INF2: variants seen among roughly 807,000 people sequenced by gnomAD.
INF2 encodes the protein inverted formin 2, also known as inverted formin-2.
In INF2, 43 loss-of-function variants were observed where a neutral mutation model predicts 123.5. The observed-to-expected ratio is 0.35, with a 90% CI of 0.27 to 0.45. The LOEUF (loss-of-function observed/expected upper bound fraction) is 0.45, where lower values mean the gene tolerates loss of function less well. INF2 is among the 20% of genes least tolerant of loss of function. The pLI is 1.00. For synonymous variants in INF2, 851 were observed against 745.0 expected (o/e 1.14, Z -2.32); for missense variants, 1,453 against 1,682.7 (o/e 0.86, Z 2.39).
At position 104,689,735 on chromosome 14, in the gene INF2, A is replaced by G; in HGVS notation, c.-14A>G. The G allele has an allele frequency of 1.2e-5, 12 of 984,858 alleles. No individual in the cohort carries two copies. The highest frequency in any genetic ancestry group is 1.4e-5 in the Non-Finnish European group (12 of 829,796). The allele number at this position is 984,858 out of a possible 1,614,324, so 61.0% of individuals were successfully genotyped here. On this transcript the variant is annotated 5_prime_UTR_variant, in exon 1 of 23. Coordinates refer to ENST00000392634, the MANE Select transcript of INF2 (RefSeq NM_022489.4). ...ACCACCGCCCTCTGGCCGTTGCCTC[A>G]CCGGGTAAGTCCTTGGCCTCGGGGT...
At position 104,707,358 on chromosome 14, in the gene INF2, T is replaced by C; in HGVS notation, c.1091T>C (p.Leu364Pro). The change falls in exon 8 of 23, where the codon CTA becomes CCA. Residue 364 changes from leucine (L) to proline (P), a missense_variant. Coordinates refer to ENST00000392634, the MANE Select transcript of INF2 (RefSeq NM_022489.4). ...VKAHKSVQAN[L>P]DQSQRGSSPQ... ...GCCCATAAAAGCGTCCAGGCCAACC[T>C]AGACCAGAGCCAGAGGGGCAGCTCC... 1 of 1,597,638 alleles carries C rather than the reference T, an allele frequency of 6.3e-7. No individual in the cohort carries two copies.
chr14:104,714,392 C>G lies in INF2; in HGVS notation c.3230C>G (p.Ser1077Cys). 6.2e-7 allele frequency: 1 copy of G among 1,603,240 alleles called. No individual in the cohort carries two copies. ...GGPRPLERRS[S>C]WYVDASDVLT... ...CCACGGCCCCTGGAGAGGCGTTCTT[C>G]CTGGTATGTGGATGCCAGCGATGTC... The change falls in exon 21 of 23, where the codon TCC (serine) becomes TGC (cysteine). Residue 1077 changes from serine to cysteine, a missense_variant. Ser to Cys is a moderately radical substitution (Grantham distance 112). Around this residue, in one of 8 missense-constraint regions of INF2, gnomAD observed 344 missense variants for 333.1 expected, o/e 1.03. Coordinates refer to ENST00000392634, the MANE Select transcript of INF2 (RefSeq NM_022489.4).
intron 21 of INF2, 96 bp downstream of exon 21, chr14:104,714,952 G>A (rs542022256): frequency 1.3e-5 from 17 of 1,317,170 alleles, no homozygotes; most frequent in East Asian, 7.6e-5. Context: ...AAGTTCCAGC[G>A]GCACCCAGGA....
At position 104,714,512 on chromosome 14, in the gene INF2, C is replaced by T; in HGVS notation, c.3350C>T (p.Ser1117Phe). Reference protein sequence around the residue: ...DAQALKPLKFSSNQPPAAGSS... With the variant: ...DAQALKPLKFFSNQPPAAGSS... ...CAGGCCCTGAAGCCCCTCAAGTTCT[C>T]CAGCAACCAGCCCCCTGCAGCCGGA... is the stretch of plus-strand genomic sequence containing the variant. Residue 1117 changes from serine to phenylalanine, a missense_variant, in exon 21 of 23, where the codon TCC (serine) becomes TTC (phenylalanine). By Grantham distance (155) the Ser-to-Phe change is radical (BLOSUM62 -2). This residue lies in a region of INF2 where 344 missense variants were observed against 333.1 expected (regional missense o/e 1.03). Transcript: ENST00000392634. 1.9e-6 allele frequency: 3 copies of T among 1,612,788 alleles called. No homozygotes were observed. Among genetic ancestry groups the T allele is most frequent in the Non-Finnish European group, 2.5e-6 (3 of 1,179,868 alleles).
intron 21 of INF2, among the ~76,000 whole-genome samples, 157 bp downstream of exon 21, chr14:104,715,013 A>G (rs1387892149): frequency 6.6e-6 from 1 of 152,224 alleles, no homozygotes; most frequent in African/African-American, 2.4e-5. Context: ...CGTCCACCGC[A>G]GGGCGGCTAT....
At position 104,703,296 on chromosome 14, in the gene INF2, C is replaced by A; in HGVS notation, c.509C>A (p.Thr170Lys). 6.2e-7 allele frequency: 1 copy of A among 1,613,066 alleles called. No individual in the cohort carries two copies. Among genetic ancestry groups the A allele is most frequent in the Non-Finnish European group, 8.5e-7 (1 of 1,179,926 alleles). Reference sequence around the variant, plus strand: ...GCCCTGACCCCGCCCTCCCCACAGACGGTGTGCAGCCAGCAGTACCGCTTC... The same window carrying A: ...GCCCTGACCCCGCCCTCCCCACAGAAGGTGTGCAGCCAGCAGTACCGCTTC... ...LTLDALDHYKTVCSQQYRFSI... is the reference protein window; with the variant it reads ...LTLDALDHYKKVCSQQYRFSI... The change falls in exon 4 of 23, where the codon ACG (threonine) becomes AAG (lysine). Residue 170 changes from threonine (T) to lysine (K), a missense_variant and splice_region_variant. By Grantham distance (78) the Thr-to-Lys change is moderately conservative (BLOSUM62 -1). Transcript: ENST00000392634.
chr14:104,682,820 G>A (rs1376404823), intron 1 of INF2, among the ~76,000 whole-genome samples: 5 of 152,198 alleles, frequency 3.3e-5, no homozygotes, highest in East Asian at 3.9e-4. Flanking sequence ...CGTCCCCCCC[G>A]GACAAGTCTA....
chr14:104,708,481 C>T lies in INF2; in HGVS notation c.1781C>T (p.Ala594Val). The change falls in exon 9 of 23, where the codon GCT (alanine) becomes GTT (valine). Residue 594 changes from alanine to valine, a missense_variant. Physicochemically the swap from Ala to Val is moderately conservative, Grantham distance 64. This residue lies in a region of INF2 where 192 missense variants were observed against 274.4 expected (regional missense o/e 0.70). Coordinates refer to ENST00000392634, the MANE Select transcript of INF2 (RefSeq NM_022489.4). ...TCCCTGAGCAGCCCCGACGCCGAGG[C>T]TGTGGAGCCCGACTTCTCCAGCATC... ...WASLSSPDAE[A>V]VEPDFSSIER... is the part of the protein sequence containing the mutation. 6.2e-7 allele frequency: 1 copy of T among 1,612,554 alleles called. No homozygotes were observed. The highest frequency in any genetic ancestry group is 8.5e-7 in the Non-Finnish European group (1 of 1,179,814).
Position 104,706,899 on chromosome 14 carries a change from C to A in INF2, c.844-11C>A. ...CGGCTGCTGACCTGCACCCCACACT[C>A]GCCCGTCCAGGTGAGCTGCTCCCCG... On this transcript the variant is annotated splice_polypyrimidine_tract_variant and intron_variant, in intron 6 of 22. Coordinates refer to ENST00000392634, the MANE Select transcript of INF2 (RefSeq NM_022489.4). 1 of 1,603,334 alleles carries A rather than the reference C, an allele frequency of 6.2e-7. No homozygotes were observed. Among genetic ancestry groups the A allele is most frequent in the South Asian group, 1.1e-5 (1 of 90,942 alleles).
At chr14:104,704,310 A>G in intron 5 of INF2, 1 of 598,770 alleles carries the variant, frequency 1.7e-6, no homozygotes, top group Non-Finnish European at 2.6e-6. Context: ...ACGTGGACGC[A>G]AGATGGAGAC....
At chr14:104,709,826 G>A in intron 12 of INF2, 121 bp downstream of exon 12, 2 of 886,980 alleles carry the variant, frequency 2.3e-6, no homozygotes, top group Non-Finnish European at 3.7e-6. Context: ...CCGGGCTCCA[G>A]GAGCAGCATT....
Position 104,709,612 on chromosome 14 carries a change from C to T in INF2, c.2053-8C>T. 1.2e-6 allele frequency: 2 copies of T among 1,611,818 alleles called. No homozygotes were observed. Among genetic ancestry groups the T allele is most frequent in the African/African-American group, 1.3e-5 (1 of 75,022 alleles). On this transcript the variant is annotated splice_polypyrimidine_tract_variant and splice_region_variant and intron_variant, in intron 11 of 22. Coordinates refer to ENST00000392634, the MANE Select transcript of INF2 (RefSeq NM_022489.4). The stretch of plus-strand genomic sequence containing the variant: ...GGGGGATCCCACATGCCGTTCTCCT[C>T]CTGGCAGATTGAAAACCTGCGGGCA...
intron 1 of INF2, among the ~76,000 whole-genome samples, chr14:104,701,029 C>T (rs966930292): frequency 3.9e-5 from 6 of 152,282 alleles, no homozygotes; most frequent in Admixed American, 3.3e-4. Context: ...CATCCGGTCC[C>T]GTCACTCTGC....
At position 104,715,348 on chromosome 14, in the gene INF2, C is replaced by G. The variant is rs751680413; in HGVS notation, c.*1+8C>G. ...TGTGTGTGATCCAGTAAGGTATGTA[C>G]GCAGCCGGCGCTCCGTGGGGGCTAA... On this transcript the variant is annotated splice_region_variant and intron_variant, in intron 22 of 22. Coordinates refer to ENST00000392634, the MANE Select transcript of INF2 (RefSeq NM_022489.4). The G allele has an allele frequency of 6.2e-6, 10 of 1,612,524 alleles. No homozygotes were observed. The highest frequency in any genetic ancestry group is 2.2e-5 in the East Asian group (1 of 44,884).
In INF2 at chr14:104,711,308, G is replaced by C; in HGVS notation, c.2418+122G>C. ...AGGCCGCCGGTCTCCCTGTCTCAGG[G>C]CTCCGTCTAGAGCCAGCAGCCTCAG... On this transcript the variant is annotated intron_variant, in intron 15 of 22. Transcript: ENST00000392634. 4.6e-6 allele frequency: 4 copies of C among 866,720 alleles called. No homozygotes were observed. The South Asian group carries it at 6.0e-5, about 13-fold the overall frequency. 53.7% of individuals were successfully genotyped at this position (866,720 alleles called of 1,614,324 possible). A position where few individuals can be genotyped will look rare whatever the true frequency, so the allele number is the denominator to read the frequency against.
rs1019818850 is a variant in INF2, at chr14:104,689,773, T to C, written c.-10+34T>C. The C allele has an allele frequency of 4.9e-5, 48 of 981,880 alleles. No individual in the cohort carries two copies. The African/African-American group carries it at 7.7e-4, about 16-fold the overall frequency. The allele number at this position is 981,880 out of a possible 1,614,324, so 60.8% of individuals were successfully genotyped here. On this transcript the variant is annotated intron_variant, in intron 1 of 22. Transcript: ENST00000392634. ...TTGGCCTCGGGGTCCGCTTGGAGCT[T>C]CAGGGGAAACTGAGTCCGGGAGGAG...
At chr14:104,682,177 C>T (rs1358316425) in intron 1 of INF2, among the ~76,000 whole-genome samples, 1 of 152,158 alleles carries the variant, frequency 6.6e-6, no homozygotes, top group Non-Finnish European at 1.5e-5. Flanking sequence ...TGCTATTCTA[C>T]AGGAGAAAGG....
rs1387861239 is a variant in INF2 at position 104,709,312 on chromosome 14, G to A, written c.1981G>A (p.Ala661Thr). Reference sequence around the variant, plus strand: ...CGAGGAGGTCGCTGCTATGATCCGGGCTGGAGATACCACCAAGTTTGATGT... The same window carrying A: ...CGAGGAGGTCGCTGCTATGATCCGGACTGGAGATACCACCAAGTTTGATGT... ...SNEEVAAMIRAGDTTKFDVEV... is the reference protein window; with the variant it reads ...SNEEVAAMIRTGDTTKFDVEV... Residue 661 changes from alanine to threonine, a missense_variant, in exon 11 of 23, where the codon GCT (alanine) becomes ACT (threonine). By Grantham distance (58) the Ala-to-Thr change is moderately conservative. Coordinates refer to ENST00000392634, the MANE Select transcript of INF2 (RefSeq NM_022489.4). 1 of 1,613,070 alleles carries A rather than the reference G, an allele frequency of 6.2e-7. No homozygotes were observed. Among genetic ancestry groups the A allele is most frequent in the South Asian group, 1.1e-5 (1 of 91,072 alleles).
rs1403895909 is a variant in INF2 at position 104,714,838 on chromosome 14, C to G, written c.3676C>G (p.Pro1226Ala). The G allele has an allele frequency of 6.3e-7, 1 of 1,587,008 alleles. No homozygotes were observed. Among genetic ancestry groups the G allele is most frequent in the Middle Eastern group, 1.7e-4 (1 of 5,960 alleles). Residue 1226 changes from proline (P) to alanine (A), a missense_variant, in exon 21 of 23, where the codon CCC becomes GCC. Around this residue, in one of 8 missense-constraint regions of INF2, gnomAD observed 344 missense variants for 333.1 expected, o/e 1.03. Coordinates refer to ENST00000392634, the MANE Select transcript of INF2 (RefSeq NM_022489.4). ...KGTGKRRKKR[P>A]SRSQEEVPPD... ...GACCGGGAAGCGAAGGAAGAAGCGT[C>G]CCTCCAGGAGCCAGGAAGGTAACTC...
Sources: allele counts gnomAD v4.1 joint callset (sites outside exome capture counted in the v4.1 genomes callset), GRCh38; gene constraint gnomAD v4.1.1; regional missense constraint gnomAD v4.1.1; transcripts MANE v1.5; gene names NCBI Gene and HGNC (gene_info 2026-07-23, HGNC 2026-07-21).